TAGAP: variants seen among roughly 807,000 people sequenced by gnomAD.
The protein encoded by TAGAP is T cell activation RhoGTPase activating protein.
TAGAP carries 16 observed loss-of-function variants against 36.0 expected under a neutral mutation model. The ratio of observed to expected loss-of-function variants is 0.44; its 90% CI spans 0.30 to 0.68. TAGAP has a LOEUF of 0.68. Among genes scored for constraint, TAGAP ranks in the 30% least tolerant of loss-of-function variants. TAGAP has a pLI of 0.09. For synonymous variants in TAGAP, 372 were observed against 377.4 expected, an observed-to-expected ratio of 0.99 and a Z score of 0.17; for missense variants, 794 against 921.5, an observed-to-expected ratio of 0.86 and a Z score of 1.79.
intron 6 of TAGAP, 110 bp from the exon 7 acceptor site, chr6:159,040,942 T>C: frequency 3.8e-6 from 3 of 779,740 alleles, no homozygotes; most frequent in East Asian, 2.7e-5. Context: ...TAGCCCATCA[T>C]AGATTGTGGC....
In TAGAP at chr6:159,036,369, G is replaced by C. The variant is rs1244390278; in HGVS notation, c.1654C>G (p.Arg552Gly). The change falls in exon 10 of 10, where the codon CGA becomes GGA. Residue 552 changes from arginine (R) to glycine (G), a missense_variant. Physicochemically the swap from Arg to Gly is moderately radical, Grantham distance 125 (BLOSUM62 -2). Coordinates refer to ENST00000367066, the MANE Select transcript of TAGAP (RefSeq NM_054114.5). The surrounding 1 kb of genome is among the most constrained non-coding windows in gnomAD (Gnocchi z 4.9). Reference sequence around the variant, plus strand: ...TCACACCCATTTTCCTGCACGATTCGGCCGGCAAGCTGGCTTTCCTTTCTG... The same window carrying C: ...TCACACCCATTTTCCTGCACGATTCCGCCGGCAAGCTGGCTTTCCTTTCTG... ...GVRKESQLAG[R>G]IVQENGCETH... 6.2e-7 allele frequency: 1 copy of C among 1,613,954 alleles called. No individual in the cohort carries two copies. The highest frequency in any genetic ancestry group is 1.1e-5 in the South Asian group (1 of 91,076).
In TAGAP at chr6:159,043,636, G is replaced by A. The variant is rs1190435841; in HGVS notation, c.101C>T (p.Pro34Leu). Residue 34 changes from proline (P) to leucine (L), a missense_variant, in exon 4 of 10, where the codon CCC (proline) becomes CTC (leucine). Transcript: ENST00000367066. Reference sequence around the variant, plus strand: ...TTCACTCTCACATGATGCCAACAGGGGATGTTCCTTGATATCACCCTAAAA... The same window carrying A: ...TTCACTCTCACATGATGCCAACAGGAGATGTTCCTTGATATCACCCTAAAA... The part of the protein sequence containing the change: ...CQSEGDIKEH[P>L]LLASCESEDS... 8.1e-6 allele frequency: 13 copies of A among 1,613,778 alleles called. No individual in the cohort carries two copies. Among genetic ancestry groups the A allele is most frequent in the Non-Finnish European group, 1.0e-5 (12 of 1,179,888 alleles).
chr6:159,038,327 A>G (rs1389322296), intron 8 of TAGAP, 99 bp from the exon 9 acceptor site: 2 of 636,230 alleles, frequency 3.1e-6, no homozygotes, highest in East Asian at 5.4e-5. Context: ...GTCAGGTGCC[A>G]AAATGAGAAT....
Position 159,043,603 on chromosome 6 carries a change from A to G in TAGAP, c.134T>C (p.Ile45Thr). 1 of 1,614,098 alleles carries G rather than the reference A, an allele frequency of 6.2e-7. No individual in the cohort carries two copies. Among genetic ancestry groups the G allele is most frequent in the Non-Finnish European group, 8.5e-7 (1 of 1,179,952 alleles). Residue 45 changes from isoleucine to threonine, a missense_variant, in exon 4 of 10, where the codon ATT becomes ACT. By Grantham distance (89) the Ile-to-Thr change is moderately conservative (BLOSUM62 -1). Transcript: ENST00000367066. The part of the protein sequence containing the change: ...LLASCESEDS[I>T]CQLIEVKKRK... The stretch of plus-strand genomic sequence containing the variant: ...TTAAAACTCACCAATGAGCTGGCAA[A>G]TACTGTCTTCACTCTCACATGATGC...
chr6:159,042,962 A>ATTCT (rs1779810185), intron 4 of TAGAP: 1 of 152,780 alleles, frequency 6.5e-6, no homozygotes, highest in Admixed American at 6.5e-5. Context: ...TGCAATGGAT[A>ATTCT]TTGCAATCTC....
In TAGAP at chr6:159,039,276, C is replaced by G. The variant is rs759528707; in HGVS notation, c.621G>C (p.Leu207=). 9 of 1,613,490 alleles carry G rather than the reference C, an allele frequency of 5.6e-6. No homozygotes were observed. In the Admixed American group the frequency reaches 1.5e-4, roughly 27 times the overall value. Residue 207 remains leucine, a synonymous_variant, in exon 8 of 10, where the codon CTG becomes CTC. Coordinates refer to ENST00000367066, the MANE Select transcript of TAGAP (RefSeq NM_054114.5). ...VADKLPRPNL[L]LLKHLVYVLH... ...GCACATAGACCAAGTGCTTGAGTAG[C>G]AGGAGGTTGGGCCGGGGGAGCTTAT...
In TAGAP at chr6:159,044,155, C is replaced by T. The variant is rs148942443; in HGVS notation, c.-9G>A. On this transcript the variant is annotated 5_prime_UTR_variant, in exon 2 of 10. Coordinates refer to ENST00000367066, the MANE Select transcript of TAGAP (RefSeq NM_054114.5). Reference sequence around the variant, plus strand: ...CTGCTTCTCAGCTTCATCAGTATTGCGGCTGACTGTCCAGGGGTGGATTTC... The same window carrying T: ...CTGCTTCTCAGCTTCATCAGTATTGTGGCTGACTGTCCAGGGGTGGATTTC... 2,233 of 1,613,232 alleles carry T rather than the reference C, an allele frequency of 1.4e-3. 30 individuals are homozygous for T. In the African/African-American group the frequency reaches 0.024, roughly 17 times the overall value.
intron 8 of TAGAP, among the ~76,000 whole-genome samples, chr6:159,038,561 T>C (rs1485497678): frequency 1.3e-5 from 2 of 151,972 alleles, no homozygotes; most frequent in African/African-American, 4.8e-5. Flanking sequence ...GCTAATTTTT[T>C]CTATTTTTAG....
chr6:159,039,401 T>G (rs1779669138), intron 7 of TAGAP, 92 bp from the exon 8 acceptor site: 1 of 1,330,948 alleles, frequency 7.5e-7, no homozygotes, highest in African/African-American at 1.5e-5. Context: ...AGACTTCCTT[T>G]AAAATGAGGA....
In TAGAP at chr6:159,041,702, A is replaced by G. The variant is rs1427762319; in HGVS notation, c.316-187T>C. 1 of 624,840 alleles carries G rather than the reference A, an allele frequency of 1.6e-6. No homozygotes were observed. Among genetic ancestry groups the G allele is most frequent in the Non-Finnish European group, 2.7e-6 (1 of 376,044 alleles). The allele number at this position is 624,840 out of a possible 1,614,324, so 38.7% of individuals were successfully genotyped here. A position where few individuals can be genotyped will look rare whatever the true frequency, so the allele number is the denominator to read the frequency against. ...AAGCTCTAATTTTGCACTTTCTAAA[A>G]TCACTTTGGAGCTCTCTCCTTTCAA... On this transcript the variant is annotated intron_variant, in intron 5 of 9. Transcript: ENST00000367066. The surrounding 1 kb of genome is among the most constrained non-coding windows in gnomAD (Gnocchi z 4.1).
chr6:159,044,713 C>T (rs946647222), intron 1 of TAGAP, among the ~76,000 whole-genome samples, 166 bp downstream of exon 1: 4 of 151,954 alleles, frequency 2.6e-5, no homozygotes, highest in African/African-American at 9.7e-5. Context: ...AACTCCTACA[C>T]CAAAAAGGTG....
chr6:159,043,743 C>T (rs1779838557), intron 3 of TAGAP, 88 bp from the exon 4 acceptor site: 4 of 1,347,014 alleles, frequency 3.0e-6, no homozygotes, highest in Non-Finnish European at 4.2e-6. Flanking sequence ...GCATTTTATT[C>T]ATATTAAAAA....
intron 1 of TAGAP, among the ~76,000 whole-genome samples, 168 bp from the exon 2 acceptor site, chr6:159,044,372 T>C (rs1583782923): frequency 6.6e-6 from 1 of 152,250 alleles, no homozygotes; most frequent in African/African-American, 2.4e-5. Context: ...CAAGTTTTCA[T>C]TTAAAATCAG....
Position 159,036,219 on chromosome 6 carries a change from C to A in TAGAP, c.1804G>T (p.Gly602Cys), listed in dbSNP as rs750084508. Residue 602 changes from glycine to cysteine, a missense_variant, in exon 10 of 10, where the codon GGC (glycine) becomes TGC (cysteine). By Grantham distance (159) the Gly-to-Cys change is radical. Coordinates refer to ENST00000367066, the MANE Select transcript of TAGAP (RefSeq NM_054114.5). This position sits in a 1 kb window ranked among gnomAD's most constrained non-coding sequence, Gnocchi z 4.9. ...GAGGCCACTAGTCTGGCTGCCGGGC[C>A]CTGCATGGCCTCTTCATAAGAGGGT... ...SPPSYEEAMQ[G>C]PAARLVASES... 7 of 1,610,590 alleles carry A rather than the reference C, an allele frequency of 4.3e-6. No individual in the cohort carries two copies. The South Asian group carries it at 6.6e-5, about 15-fold the overall frequency.
Position 159,035,923 on chromosome 6 carries a change from G to A in TAGAP, c.2100C>T (p.Ser700=), listed in dbSNP as rs1387829146. ...GACAGTCCCGCTTATTCCTCTGCAC[G>A]GACTCGGAGACGGTCCTCAGCGGGA... ...ELLPLRTVSE[S]VQRNKRDCLV... is the part of the protein sequence containing the mutation. Residue 700 remains serine (S), a synonymous_variant, in exon 10 of 10, where the codon TCC becomes TCT. Transcript: ENST00000367066. 1.2e-6 allele frequency: 2 copies of A among 1,614,168 alleles called. No individual in the cohort carries two copies. Among genetic ancestry groups the A allele is most frequent in the Non-Finnish European group, 8.5e-7 (1 of 1,180,020 alleles).
intron 8 of TAGAP, 116 bp downstream of exon 8, chr6:159,038,998 T>C: frequency 6.4e-7 from 1 of 1,570,676 alleles, no homozygotes; most frequent in Non-Finnish European, 8.7e-7. Context: ...GCATTTTATA[T>C]TTTCACTGTG....
chr6:159,035,691 T>C lies in TAGAP; in HGVS notation c.*136A>G. On this transcript the variant is annotated 3_prime_UTR_variant, in exon 10 of 10. Coordinates refer to ENST00000367066, the MANE Select transcript of TAGAP (RefSeq NM_054114.5). The stretch of plus-strand genomic sequence containing the variant: ...ATGCGCCATGGCCATGGTGTAGCTA[T>C]CCTCACTGAGGAGGGCTTTCCACAA... 1.2e-6 allele frequency: 1 copy of C among 807,074 alleles called. No individual in the cohort carries two copies. The highest frequency in any genetic ancestry group is 1.9e-5 in the South Asian group (1 of 52,260). The allele number at this position is 807,074 out of a possible 1,614,324, so 50.0% of individuals were successfully genotyped here.
Position 159,036,563 on chromosome 6 carries a change from C to G in TAGAP, c.1460G>C (p.Arg487Thr). The G allele has an allele frequency of 6.2e-7, 1 of 1,614,124 alleles. No individual in the cohort carries two copies. Among genetic ancestry groups the G allele is most frequent in the Non-Finnish European group, 8.5e-7 (1 of 1,180,024 alleles). Residue 487 changes from arginine (R) to threonine (T), a missense_variant, in exon 10 of 10, where the codon AGA (arginine) becomes ACA (threonine). Physicochemically the swap from Arg to Thr is moderately conservative, Grantham distance 71. Coordinates refer to ENST00000367066, the MANE Select transcript of TAGAP (RefSeq NM_054114.5). The surrounding 1 kb of genome is among the most constrained non-coding windows in gnomAD (Gnocchi z 4.9). ...TGTCTTTGTGGTGAAAGACTGATGT[C>G]TGCTGAAGAAATTTCTTTTGGGACT... The part of the protein sequence containing the change: ...PSSPKRNFFS[R>T]HQSFTTKTEK...
chr6:159,043,568 C>T (rs770250745), intron 4 of TAGAP, 21 bp downstream of exon 4: 19 of 1,611,220 alleles, frequency 1.2e-5, no homozygotes, highest in East Asian at 2.2e-5. Flanking sequence ...CATAAAAGAT[C>T]GGTATGTTTT....
Sources: gnomAD v4.1 joint callset for allele counts (sites outside exome capture counted in the v4.1 genomes callset) on GRCh38, gnomAD v4.1.1 for gene constraint, Gnocchi (gnomAD v3.1) non-coding constraint, MANE v1.5 for transcripts, NCBI Gene and HGNC (gene_info 2026-07-23, HGNC 2026-07-21) for gene names.